The following EFNA5 variants were observed in gnomAD, a reference collection of about 807,000 sequenced individuals.
EFNA5 encodes the protein ephrin-A5.
EFNA5 carries 5 observed loss-of-function variants against 22.9 expected under a neutral mutation model. The observed-to-expected ratio is 0.22, with a 90% CI of 0.11 to 0.46. The LOEUF is 0.46. Among genes scored for constraint, EFNA5 ranks in the 20% least tolerant of loss-of-function variants. The pLI, the probability that EFNA5 is intolerant of heterozygous loss-of-function variation, is 0.99. For synonymous variants in EFNA5, 113 were observed against 112.2 expected (o/e 1.01, Z -0.04); for missense variants, 237 against 293.3 (o/e 0.81, Z 1.40).
At chr5:107,490,178 T>C (rs572932434) in intron 1 of EFNA5, among the ~76,000 whole-genome samples, 4 of 152,330 alleles carry the variant, frequency 2.6e-5, no homozygotes, top group African/African-American at 7.2e-5. Flanking sequence ...ACTTGTGTGC[T>C]TGGGTGTTCT....
Position 107,528,908 on chromosome 5 carries a change from T to A in EFNA5, c.126-101399A>T, listed in dbSNP as rs529385816. ...GGTTAGAAGCTTTATTTGTATAGAA[T>A]ACGACTGAATAAATACATCAGAGTT... On this transcript the variant is annotated intron_variant, in intron 1 of 4. Transcript: ENST00000333274. Among the ~76,000 whole-genome samples the A allele has an allele frequency of 4.1e-4, 62 of 152,322 alleles. No homozygotes were observed. In the South Asian group the frequency reaches 0.012, roughly 31 times the overall value.
chr5:107,629,197 AC>A (rs750531419), intron 1 of EFNA5, among the ~76,000 whole-genome samples: 1 of 152,144 alleles, frequency 6.6e-6, no homozygotes, highest in Non-Finnish European at 1.5e-5. Flanking sequence ...AATTCATCAA[AC>A]CCAATTTAAA....
chr5:107,576,719 C>T (rs1043463443), intron 1 of EFNA5, among the ~76,000 whole-genome samples: 8 of 152,142 alleles, frequency 5.3e-5, no homozygotes, highest in African/African-American at 1.4e-4. Flanking sequence ...CTGCTAACAC[C>T]CAAATTATTT....
intron 1 of EFNA5, among the ~76,000 whole-genome samples, chr5:107,578,574 AG>A (rs1412910891): frequency 6.7e-6 from 1 of 149,988 alleles, no homozygotes; most frequent in African/African-American, 2.5e-5. Context: ...TATATGTAAA[AG>A]AATACCAGAA....
intron 1 of EFNA5, among the ~76,000 whole-genome samples, chr5:107,640,983 GATAGA>G (rs753946060): frequency 9.8e-4 from 134 of 136,638 alleles, no homozygotes; most frequent in South Asian, 5.7e-3. Flanking sequence ...CAGGTAGATA[GATAGA>G]TAGATAGATA....
At chr5:107,646,353 T>C (rs762336250) in intron 1 of EFNA5, among the ~76,000 whole-genome samples, 4 of 152,148 alleles carry the variant, frequency 2.6e-5, no homozygotes, top group Non-Finnish European at 5.9e-5. Context: ...ATATACAAAA[T>C]ATTTTTGAAA....
rs958340927 is a variant in EFNA5, at chr5:107,587,797, G to A, written c.125+82692C>T. On this transcript the variant is annotated intron_variant, in intron 1 of 4. Transcript: ENST00000333274. ...CTCCCAAAGTGCTGGGATTACAGGCGTAAGCCACTGCGCCTGGCCTGCCAC... is the reference window on the plus strand; with the variant it reads ...CTCCCAAAGTGCTGGGATTACAGGCATAAGCCACTGCGCCTGGCCTGCCAC... Among the ~76,000 whole-genome samples the A allele has an allele frequency of 2.6e-5, 4 of 152,156 alleles. No individual in the cohort carries two copies. In the East Asian group the frequency reaches 5.8e-4, roughly 22 times the overall value.
intron 1 of EFNA5, among the ~76,000 whole-genome samples, chr5:107,642,747 G>A (rs950708619): frequency 6.6e-6 from 1 of 152,086 alleles, no homozygotes; most frequent in African/African-American, 2.4e-5. Flanking sequence ...AGAATACGGG[G>A]AGTGGTCATG....
At chr5:107,473,388 C>G (rs1750196220) in intron 1 of EFNA5, among the ~76,000 whole-genome samples, 1 of 151,802 alleles carries the variant, frequency 6.6e-6, no homozygotes. Flanking sequence ...TAGCAGCCAG[C>G]TTCTAATGAA....
intron 1 of EFNA5, among the ~76,000 whole-genome samples, chr5:107,431,495 C>T (rs926402629): frequency 6.6e-6 from 1 of 152,056 alleles, no homozygotes; most frequent in Non-Finnish European, 1.5e-5. Context: ...ATTACGATGC[C>T]ACGGAATAGC....
chr5:107,548,109 A>G (rs1484510235), intron 1 of EFNA5, among the ~76,000 whole-genome samples: 2 of 152,228 alleles, frequency 1.3e-5, no homozygotes, highest in East Asian at 1.9e-4. Flanking sequence ...TCATTTTCCA[A>G]TGACGACAAT....
chr5:107,586,434 T>A (rs1233256384), intron 1 of EFNA5, among the ~76,000 whole-genome samples: 1 of 151,934 alleles, frequency 6.6e-6, no homozygotes, highest in Non-Finnish European at 1.5e-5. Context: ...GCTAAAAGCA[T>A]GAGATTGAGG....
chr5:107,402,748 G>A (rs956445865), intron 2 of EFNA5, among the ~76,000 whole-genome samples: 3 of 152,092 alleles, frequency 2.0e-5, no homozygotes, highest in African/African-American at 7.2e-5. Context: ...CTGCCTCTTC[G>A]GAGATAATTG....
chr5:107,513,831 C>T (rs770804635), intron 1 of EFNA5, among the ~76,000 whole-genome samples: 3 of 151,942 alleles, frequency 2.0e-5, no homozygotes, highest in African/African-American at 4.8e-5. Flanking sequence ...CAGTGGATAG[C>T]TATGGATGGA....
chr5:107,566,706 T>C (rs537811503), intron 1 of EFNA5, among the ~76,000 whole-genome samples: 10 of 152,320 alleles, frequency 6.6e-5, no homozygotes, highest in Admixed American at 5.9e-4. Flanking sequence ...AGTCAACTTT[T>C]ATCAACCATA....
At chr5:107,607,325 G>A (rs189159155) in intron 1 of EFNA5, among the ~76,000 whole-genome samples, 5 of 152,230 alleles carry the variant, frequency 3.3e-5, no homozygotes, top group Non-Finnish European at 7.4e-5. Context: ...AAATAAAACG[G>A]CGAGTAGGCT....
At chr5:107,660,880 T>C (rs931221047) in intron 1 of EFNA5, among the ~76,000 whole-genome samples, 18 of 152,076 alleles carry the variant, frequency 1.2e-4, no homozygotes, top group African/African-American at 3.9e-4. Context: ...ACTGTACCCC[T>C]CTTAGTGCTG....
chr5:107,560,783 G>C (rs677797), intron 1 of EFNA5, among the ~76,000 whole-genome samples: 1 of 151,874 alleles, frequency 6.6e-6, no homozygotes, highest in South Asian at 2.1e-4. Flanking sequence ...CTCATCCATC[G>C]TAACAGCGAC....
chr5:107,496,363 A>C (rs1746987042), intron 1 of EFNA5, among the ~76,000 whole-genome samples: 1 of 149,800 alleles, frequency 6.7e-6, no homozygotes, highest in Non-Finnish European at 1.5e-5. Context: ...ACAAAAAAAC[A>C]AAAAACAACA....
Sources: gnomAD v4.1 joint callset for allele counts (sites outside exome capture counted in the v4.1 genomes callset) on GRCh38, gnomAD v4.1.1 for gene constraint, MANE v1.5 for transcripts, NCBI Gene and HGNC (gene_info 2026-07-23, HGNC 2026-07-21) for gene names.